Variants in NBEA observed in about 807,000 individuals in gnomAD.
NBEA encodes lysosomal-trafficking regulator 2.
Under a neutral mutation model 343.4 loss-of-function variants are expected in NBEA, and 44 were observed. The observed-to-expected ratio is 0.13, with a 90% CI of 0.10 to 0.16. The LOEUF (loss-of-function observed/expected upper bound fraction) is 0.16, where lower values mean the gene tolerates loss of function less well. NBEA is among the 10% of genes least tolerant of loss of function. NBEA has a pLI of 1.00. For missense variants in NBEA, 2,555 were observed against 3,631.3 expected (o/e 0.70, Z 7.62); for synonymous variants, 1,175 against 1,238.7 (o/e 0.95, Z 1.08).
chr13:35,186,696 T>C (rs764846998), intron 30 of NBEA: 7 of 152,168 alleles, frequency 4.6e-5, no homozygotes, highest in Admixed American at 4.6e-4. Context: ...TAAACTTTAT[T>C]TATAATCGCA....
intron 28 of NBEA, 38 bp from the exon 29 acceptor site, chr13:35,182,322 A>G: frequency 2.6e-6 from 4 of 1,557,854 alleles, no homozygotes; most frequent in Non-Finnish European, 3.5e-6. Context: ...ATACTTCAAA[A>G]AGTTTGAGTG....
At chr13:35,010,726 C>CG (rs2061457155) in intron 1 of NBEA, among the ~76,000 whole-genome samples, 1 of 9,686 alleles carries the variant, frequency 1.0e-4, no homozygotes, top group Non-Finnish European at 2.1e-4. Context: ...TGGGTCTCTA[C>CG]AAAAAAAAAA....
intron 23 of NBEA, among the ~76,000 whole-genome samples, chr13:35,163,553 AG>A (rs2069740500): frequency 6.6e-6 from 1 of 151,544 alleles, no homozygotes; most frequent in South Asian, 2.1e-4. Context: ...AGGGAGGTTG[AG>A]GATGCACTAA....
At chr13:35,377,380 C>A (rs1020989476) in intron 38 of NBEA, among the ~76,000 whole-genome samples, 1 of 152,148 alleles carries the variant, frequency 6.6e-6, no homozygotes, top group African/African-American at 2.4e-5. Context: ...TTAGGTTGAA[C>A]TGTTGAGGCT....
chr13:35,438,999 T>C (rs561147706), intron 39 of NBEA, among the ~76,000 whole-genome samples: 3 of 152,354 alleles, frequency 2.0e-5, no homozygotes, highest in South Asian at 2.1e-4. Flanking sequence ...AAAGCAGTTA[T>C]TGAATAACTT....
In NBEA at chr13:35,159,036, G is replaced by C. The variant is rs1163431661; in HGVS notation, c.2865G>C (p.Lys955Asn). The C allele has an allele frequency of 6.2e-7, 1 of 1,607,262 alleles. No homozygotes were observed. Among genetic ancestry groups the C allele is most frequent in the African/African-American group, 1.3e-5 (1 of 74,542 alleles). ...AHSKVTYEAH[K>N]EYLAKMYEEY... Reference sequence around the variant, plus strand: ...CTAAGGTCACTTATGAAGCTCATAAGGAATACCTAGCCAAAATGTATGAGG... The same window carrying C: ...CTAAGGTCACTTATGAAGCTCATAACGAATACCTAGCCAAAATGTATGAGG... The change falls in exon 22 of 59, where the codon AAG becomes AAC. Residue 955 changes from lysine (K) to asparagine (N), a missense_variant. Physicochemically the swap from Lys to Asn is moderately conservative, Grantham distance 94 (BLOSUM62 0). This residue lies in a region of NBEA where 18 missense variants were observed against 21.7 expected (regional missense o/e 0.83). Coordinates refer to ENST00000379939, the MANE Select transcript of NBEA (RefSeq NM_001385012.1).
chr13:35,209,332 GCCT>G (rs1566461738), intron 32 of NBEA, among the ~76,000 whole-genome samples: 1 of 152,088 alleles, frequency 6.6e-6, no homozygotes, highest in East Asian at 1.9e-4. Context: ...ATATGCAAGC[GCCT>G]CAACTTGATA....
intron 1 of NBEA, among the ~76,000 whole-genome samples, chr13:34,952,147 G>A (rs2059368996): frequency 6.6e-6 from 1 of 152,170 alleles, no homozygotes; most frequent in Admixed American, 6.6e-5. Flanking sequence ...CAAAGCTAGA[G>A]TTCTTTCCCA....
chr13:35,655,073 A>G (rs2051394580), intron 54 of NBEA, 63 bp downstream of exon 54: 1 of 1,256,604 alleles, frequency 8.0e-7, no homozygotes. Context: ...CCAAAGCTGA[A>G]TATGAAATCA....
At chr13:35,219,395 G>A (rs1446882315) in intron 33 of NBEA, among the ~76,000 whole-genome samples, 3 of 151,982 alleles carry the variant, frequency 2.0e-5, no homozygotes, top group Non-Finnish European at 4.4e-5. Context: ...TAACATAGAG[G>A]GCTTGTTAAC....
chr13:35,532,318 G>T (rs144370206), intron 41 of NBEA, among the ~76,000 whole-genome samples: 1 of 151,988 alleles, frequency 6.6e-6, no homozygotes. Context: ...GTTCAGAGCA[G>T]CTGAATACAG....
At chr13:35,173,623 A>T (rs1426396168) in intron 27 of NBEA, 29 bp downstream of exon 27, 2 of 1,582,120 alleles carry the variant, frequency 1.3e-6, no homozygotes, top group Non-Finnish European at 1.7e-6. Context: ...TTGGCCAAAT[A>T]TAATTTACCT....
intron 13 of NBEA, among the ~76,000 whole-genome samples, chr13:35,115,451 G>C (rs1047543837): frequency 6.6e-6 from 1 of 152,004 alleles, no homozygotes; most frequent in African/African-American, 2.4e-5. Flanking sequence ...TCTACTCCCT[G>C]TCATAGAAAT....
intron 11 of NBEA, among the ~76,000 whole-genome samples, chr13:35,101,333 C>T (rs1723652696): frequency 6.6e-6 from 1 of 151,900 alleles, no homozygotes; most frequent in African/African-American, 2.4e-5. Context: ...TTTTCCACAT[C>T]CTTACCAACT....
intron 8 of NBEA, among the ~76,000 whole-genome samples, chr13:35,065,074 T>C (rs2063601418): frequency 6.6e-6 from 1 of 151,514 alleles, no homozygotes; most frequent in Admixed American, 6.6e-5. Flanking sequence ...TTAAGGCTTA[T>C]ATTATTTCCT....
intron 34 of NBEA, among the ~76,000 whole-genome samples, chr13:35,280,869 T>C (rs1028430138): frequency 1.3e-5 from 2 of 152,080 alleles, no homozygotes; most frequent in African/African-American, 2.4e-5. Context: ...ATCTCCGTCA[T>C]ATTATAACTG....
chr13:35,346,332 C>T (rs769296060), intron 36 of NBEA, among the ~76,000 whole-genome samples: 5 of 152,104 alleles, frequency 3.3e-5, no homozygotes, highest in South Asian at 2.1e-4. Context: ...AGCCATTGAA[C>T]GAAATATTCT....
intron 41 of NBEA, among the ~76,000 whole-genome samples, chr13:35,484,268 G>C (rs61949166): frequency 1.9e-5 from 2 of 107,346 alleles, no homozygotes; most frequent in Admixed American, 2.1e-4. Flanking sequence ...GTGTGTGTGT[G>C]TGTGTGTATA....
chr13:35,295,685 G>A (rs753296036), intron 35 of NBEA, among the ~76,000 whole-genome samples: 2 of 152,146 alleles, frequency 1.3e-5, no homozygotes, highest in Non-Finnish European at 2.9e-5. Flanking sequence ...AAGAGTATCA[G>A]TAGAAAATAA....
Sources: gnomAD v4.1 joint callset for allele counts (sites outside exome capture counted in the v4.1 genomes callset) on GRCh38, gnomAD v4.1.1 for gene constraint, gnomAD v4.1.1 regional missense constraint, MANE v1.5 for transcripts, NCBI Gene and HGNC (gene_info 2026-07-23, HGNC 2026-07-21) for gene names.